Variants in FAM228B observed in about 807,000 individuals in gnomAD.
The protein encoded by FAM228B is family with sequence similarity 228 member B.
A neutral mutation model predicts 42.6 loss-of-function variants in FAM228B; 38 were observed. That is an observed-to-expected ratio of 0.89 (90% confidence interval 0.69 to 1.17). The LOEUF (loss-of-function observed/expected upper bound fraction) is 1.17, where lower values mean the gene tolerates loss of function less well. FAM228B is among the 50% of genes most tolerant of loss of function. The pLI is 0.00. For synonymous variants in FAM228B, 109 were observed against 122.3 expected (o/e 0.89, Z 0.72); for missense variants, 344 against 367.3 (o/e 0.94, Z 0.52).
At position 24,079,505 on chromosome 2, in the gene FAM228B, G is replaced by C. The variant is rs145078765; in HGVS notation, c.-289-1371G>C. ...ACTTCCTCGCTTAAAAAGTAGCTTTGAAAACAGGGGCCCATTGATGTCACC... is the reference window on the plus strand; with the variant it reads ...ACTTCCTCGCTTAAAAAGTAGCTTTCAAAACAGGGGCCCATTGATGTCACC... On this transcript the variant is annotated intron_variant, in intron 1 of 10. Transcript: ENST00000613899. 1,131 of 1,614,114 alleles carry C rather than the reference G, an allele frequency of 7.0e-4. 3 individuals carry two copies. The highest frequency in any genetic ancestry group is 8.3e-4 in the Non-Finnish European group (985 of 1,180,028).
chr2:24,106,313 ATTCT>A (rs1437653067), intron 3 of FAM228B, among the ~76,000 whole-genome samples: 5 of 119,284 alleles, frequency 4.2e-5, no homozygotes, highest in Non-Finnish European at 9.0e-5. Flanking sequence ...TATATTCAGC[ATTCT>A]TTTTTTTTTT....
chr2:24,166,124 A>G (rs1320069424), intron 9 of FAM228B: 1 of 149,930 alleles, frequency 6.7e-6, no homozygotes, highest in African/African-American at 2.4e-5. Flanking sequence ...TGTTTACAGA[A>G]CATAGATTTC....
chr2:24,077,358 A>G lies in FAM228B; in HGVS notation c.-290+389A>G, dbSNP rs888965187. On this transcript the variant is annotated intron_variant, in intron 1 of 10. Coordinates refer to the FAM228B transcript ENST00000613899. The surrounding 1 kb of genome is among the most constrained non-coding windows in gnomAD (Gnocchi z 5.5). ...GTTGAGCGTCAGCTGATCGGGCCTCAGTAATCCCCGCTGCGACGCCCGTCC... is the reference window on the plus strand; with the variant it reads ...GTTGAGCGTCAGCTGATCGGGCCTCGGTAATCCCCGCTGCGACGCCCGTCC... 4 of 468,046 alleles carry G rather than the reference A, an allele frequency of 8.5e-6. No individual in the cohort carries two copies. The highest frequency in any genetic ancestry group is 1.2e-5 in the Non-Finnish European group (3 of 260,820). The allele number at this position is 468,046 out of a possible 1,614,324, so 29.0% of individuals were successfully genotyped here. A position where few individuals can be genotyped will look rare whatever the true frequency, so the allele number is the denominator to read the frequency against.
chr2:24,145,036 G>C (rs1483919439), intron 5 of FAM228B, among the ~76,000 whole-genome samples: 1 of 152,170 alleles, frequency 6.6e-6, no homozygotes, highest in Non-Finnish European at 1.5e-5. Context: ...CCACTCTGGA[G>C]ACAAAGGGTT....
intron 3 of FAM228B, among the ~76,000 whole-genome samples, chr2:24,106,316 CTTT>C (rs386389714): frequency 4.4e-4 from 47 of 106,388 alleles, no homozygotes; most frequent in Admixed American, 2.0e-4. Flanking sequence ...ATTCAGCATT[CTTT>C]TTTTTTTTTT....
At chr2:24,106,890 C>A (rs1243999999) in intron 3 of FAM228B, among the ~76,000 whole-genome samples, 1 of 620 alleles carries the variant, frequency 1.6e-3, no homozygotes, top group Non-Finnish European at 5.6e-3. Context: ...GCATAATAAC[C>A]AGCTAACATG....
chr2:24,134,780 G>A (rs1309701897), intron 2 of FAM228B, among the ~76,000 whole-genome samples: 4 of 152,062 alleles, frequency 2.6e-5, no homozygotes, highest in East Asian at 3.9e-4. Flanking sequence ...GCAAAACCCC[G>A]TCTCTATCAA....
chr2:24,082,981 C>G, intron 2 of FAM228B: 1 of 1,614,178 alleles, frequency 6.2e-7, no homozygotes. Context: ...ATGAGGAGCC[C>G]TTCGGGGACA....
At chr2:24,102,506 G>C (rs1301628610) in intron 3 of FAM228B, among the ~76,000 whole-genome samples, 2 of 152,224 alleles carry the variant, frequency 1.3e-5, no homozygotes, top group East Asian at 3.8e-4. Context: ...GGAAGCCCAA[G>C]GCAGGCGGAT....
intron 5 of FAM228B, among the ~76,000 whole-genome samples, 187 bp from the exon 6 acceptor site, chr2:24,146,561 G>A (rs934484030): frequency 6.6e-6 from 1 of 152,120 alleles, no homozygotes; most frequent in African/African-American, 2.4e-5. Flanking sequence ...TTTAAGAGAG[G>A]TATTGATATA....
chr2:24,124,602 T>C (rs903953800), intron 2 of FAM228B, 142 bp downstream of exon 2: 13 of 578,352 alleles, frequency 2.2e-5, no homozygotes, highest in Non-Finnish European at 3.9e-5. Flanking sequence ...TTACTAACTT[T>C]GTATATTCAC....
upstream of FAM228B, among the ~76,000 whole-genome samples, chr2:24,118,827 TTGAA>T (rs1047955035): frequency 6.6e-6 from 1 of 152,136 alleles, no homozygotes; most frequent in Non-Finnish European, 1.5e-5. Context: ...TGAATGTTTG[TTGAA>T]TGAATGAATG....
chr2:24,104,372 C>A (rs1352287274), intron 3 of FAM228B, among the ~76,000 whole-genome samples: 1 of 152,240 alleles, frequency 6.6e-6, no homozygotes, highest in East Asian at 1.9e-4. Context: ...GGCCCTGGGG[C>A]AGACCAGCCA....
At chr2:24,160,413 TC>T (rs1667259436) in intron 7 of FAM228B, among the ~76,000 whole-genome samples, 1 of 152,216 alleles carries the variant, frequency 6.6e-6, no homozygotes. Context: ...TATTGCTTTT[TC>T]TTCATTCTTT....
intron 1 of FAM228B, chr2:24,079,619 A>C (rs1174900349): frequency 6.2e-7 from 1 of 1,614,082 alleles, no homozygotes; most frequent in African/African-American, 1.3e-5. Context: ...TATGCAGTCT[A>C]GAATAAGATT....
intron 5 of FAM228B, among the ~76,000 whole-genome samples, chr2:24,139,929 C>T (rs751043925): frequency 4.6e-5 from 7 of 152,150 alleles, no homozygotes; most frequent in Non-Finnish European, 1.0e-4. Context: ...TCCCCTCCCT[C>T]AATAGTTTAT....
chr2:24,137,644 C>T (rs1283176600), intron 3 of FAM228B, among the ~76,000 whole-genome samples: 1 of 152,166 alleles, frequency 6.6e-6, no homozygotes, highest in Non-Finnish European at 1.5e-5. Flanking sequence ...AGGCAGGCGC[C>T]ACCTTGCCTT....
intron 8 of FAM228B, among the ~76,000 whole-genome samples, chr2:24,162,312 GT>G (rs1667304930): frequency 6.6e-6 from 1 of 152,156 alleles, no homozygotes; most frequent in African/African-American, 2.4e-5. Flanking sequence ...AGTGAAAGAT[GT>G]TGTTGTAAAC....
At position 24,137,935 on chromosome 2, in the gene FAM228B, T is replaced by G. The variant is rs1666629138; in HGVS notation, c.195T>G (p.His65Gln). Residue 65 changes from histidine to glutamine, a missense_variant, in exon 4 of 11, where the codon CAT becomes CAG. His to Gln is a conservative substitution (Grantham distance 24, BLOSUM62 0). Transcript: ENST00000615575. ...AACTAGATAAGTATTTACAACATCA[T>G]GCCTTCTTAAATGCAAGAAGAAAGG... is the stretch of plus-strand genomic sequence containing the variant. Reference protein sequence around the residue: ...IKELDKYLQHHAFLNARRKEM... With the variant: ...IKELDKYLQHQAFLNARRKEM... 2.6e-6 allele frequency: 4 copies of G among 1,538,578 alleles called. No individual in the cohort carries two copies. The highest frequency in any genetic ancestry group is 3.5e-6 in the Non-Finnish European group (4 of 1,143,610).
Sources: gnomAD v4.1 joint callset for allele counts (sites outside exome capture counted in the v4.1 genomes callset) on GRCh38, gnomAD v4.1.1 for gene constraint, Gnocchi (gnomAD v3.1) non-coding constraint, MANE v1.5 for transcripts, NCBI Gene and HGNC (gene_info 2026-07-23, HGNC 2026-07-21) for gene names.